The following SMYD4 variants were observed in gnomAD, a reference collection of about 807,000 sequenced individuals.
SMYD4 encodes the protein protein-lysine N-methyltransferase SMYD4.
In SMYD4, 68 loss-of-function variants were observed where a neutral mutation model predicts 72.8. That is an observed-to-expected ratio of 0.93 (90% confidence interval 0.77 to 1.14). The LOEUF (loss-of-function observed/expected upper bound fraction) is 1.14, where lower values mean the gene tolerates loss of function less well. SMYD4 is among the 50% of genes most tolerant of loss of function. The probability of loss-of-function intolerance (pLI) is 0.00; values close to 1 mark genes in which losing one functional copy is unlikely to be tolerated. For synonymous variants in SMYD4, 407 were observed against 388.6 expected (o/e 1.05, Z -0.56); for missense variants, 984 against 1,003.7 (o/e 0.98, Z 0.27).
At position 1,787,429 on chromosome 17, in the gene SMYD4, GTGGA is replaced by G. The variant is rs1438711789; in HGVS notation, c.1709_1712del (p.Leu570ProfsTer19). ...TGCGGAGGGATGGCTCACCATAGCAGTGGAGAATCTCTTGCCCCTTTCTAATCCG... is the reference window on the plus strand; with the variant it reads ...TGCGGAGGGATGGCTCACCATAGCAGGAATCTCTTGCCCCTTTCTAATCCG... On this transcript the variant is annotated frameshift_variant, in exon 6 of 11. Transcript: ENST00000305513. LOFTEE classifies it high-confidence loss of function. 2.6e-6 allele frequency: 4 copies of G among 1,556,318 alleles called. No homozygotes were observed. Among genetic ancestry groups the G allele is most frequent in the Non-Finnish European group, 3.5e-6 (4 of 1,150,190 alleles).
At chr17:1,821,801 C>T (rs529016673) in intron 2 of SMYD4, among the ~76,000 whole-genome samples, 1 of 151,096 alleles carries the variant, frequency 6.6e-6, no homozygotes, top group East Asian at 2.0e-4. Context: ...TGTGATGGCA[C>T]ACACCTGTAA....
chr17:1,800,509 A>G lies in SMYD4; in HGVS notation c.885T>C (p.Tyr295=), dbSNP rs377067565. The G allele has an allele frequency of 2.5e-6, 4 of 1,614,068 alleles. No homozygotes were observed. In the African/African-American group the frequency reaches 4.0e-5, roughly 16 times the overall value. The change falls in exon 5 of 11, where the codon TAT becomes TAC. Residue 295 remains tyrosine, a synonymous_variant. Transcript: ENST00000305513. ...WDTRVTNGDL[Y]CHRCLKHTLA... Reference sequence around the variant, plus strand: ...AAGTGTGCTTCAAACATCGGTGACAATAGAGGTCCCCATTGGTGACTCTGG... The same window carrying G: ...AAGTGTGCTTCAAACATCGGTGACAGTAGAGGTCCCCATTGGTGACTCTGG...
chr17:1,791,842 GC>G (rs1909046313), intron 5 of SMYD4, among the ~76,000 whole-genome samples: 1 of 151,934 alleles, frequency 6.6e-6, no homozygotes, highest in Admixed American at 6.6e-5. Context: ...AGCTACGATC[GC>G]CCCACTGCAC....
chr17:1,817,871 C>T (rs1036577547), intron 2 of SMYD4, among the ~76,000 whole-genome samples: 8 of 151,794 alleles, frequency 5.3e-5, no homozygotes, highest in Non-Finnish European at 1.2e-4. Flanking sequence ...CATGGTGAAA[C>T]CCCGTCTCTA....
intron 2 of SMYD4, among the ~76,000 whole-genome samples, chr17:1,817,064 T>TA (rs1351508641): frequency 5.3e-5 from 7 of 132,024 alleles, no homozygotes. Context: ...TTTTTTTTTT[T>TA]AAGACAGTCT....
rs1909621666 is a variant in SMYD4 at position 1,799,967 on chromosome 17, G to C, written c.1427C>G (p.Ala476Gly). ...GTCAGGACACAATTCAGGTGTCACTGCTGCTTTAAGCTGAGAGGAGTTCAC... is the reference window on the plus strand; with the variant it reads ...GTCAGGACACAATTCAGGTGTCACTCCTGCTTTAAGCTGAGAGGAGTTCAC... ...RIVNSSQLKA[A>G]VTPELCPDVT... Residue 476 changes from alanine to glycine, a missense_variant, in exon 5 of 11, where the codon GCA becomes GGA. By Grantham distance (60) the Ala-to-Gly change is moderately conservative. Coordinates refer to ENST00000305513, the MANE Select transcript of SMYD4 (RefSeq NM_052928.3). 6.2e-7 allele frequency: 1 copy of C among 1,614,112 alleles called. No individual in the cohort carries two copies. Among genetic ancestry groups the C allele is most frequent in the Non-Finnish European group, 8.5e-7 (1 of 1,180,020 alleles).
rs535860620 is a variant in SMYD4, at chr17:1,792,278, A to G, written c.1538-4674T>C. 9.9e-5 allele frequency among the ~76,000 whole-genome samples: 15 copies of G among 151,732 alleles called. No individual in the cohort carries two copies. In the South Asian group the frequency reaches 3.1e-3, roughly 32 times the overall value. On this transcript the variant is annotated intron_variant, in intron 5 of 10. Coordinates refer to ENST00000305513, the MANE Select transcript of SMYD4 (RefSeq NM_052928.3). Reference sequence around the variant, plus strand: ...ATGGTCTCGATCTCCTGACCTCGTGATCCTCCCACCTCGGCCTCCTCAAGT... The same window carrying G: ...ATGGTCTCGATCTCCTGACCTCGTGGTCCTCCCACCTCGGCCTCCTCAAGT...
chr17:1,825,416 T>A lies in SMYD4; in HGVS notation c.134+2445A>T, dbSNP rs181961559. On this transcript the variant is annotated intron_variant, in intron 2 of 10. Coordinates refer to ENST00000305513, the MANE Select transcript of SMYD4 (RefSeq NM_052928.3). ...GTAAAAAAATGTTAGCAGAAAACAA[T>A]GAACATTTTTATCAACTCCCAAGTA... Among the ~76,000 whole-genome samples the A allele has an allele frequency of 1.9e-3, 288 of 151,750 alleles. 2 individuals carry two copies. Among genetic ancestry groups the A allele is most frequent in the African/African-American group, 6.5e-3 (270 of 41,420 alleles).
chr17:1,787,421 C>T lies in SMYD4; in HGVS notation c.1720+1G>A. 6.4e-7 allele frequency: 1 copy of T among 1,554,648 alleles called. No homozygotes were observed. The highest frequency in any genetic ancestry group is 2.0e-5 in the Admixed American group (1 of 51,278). ...GATGGCAGTGCGGAGGGATGGCTCA[C>T]CATAGCAGTGGAGAATCTCTTGCCC... is the stretch of plus-strand genomic sequence containing the variant. On this transcript the variant is annotated splice_donor_variant, in intron 6 of 10. Transcript: ENST00000305513. LOFTEE classifies it high-confidence loss of function.
At chr17:1,820,834 T>C (rs1174326248) in intron 2 of SMYD4, among the ~76,000 whole-genome samples, 2 of 152,152 alleles carry the variant, frequency 1.3e-5, no homozygotes, top group Admixed American at 1.3e-4. Flanking sequence ...GAAAGAAAAG[T>C]GTGTGCTTGG....
chr17:1,823,748 T>C (rs973138090), intron 2 of SMYD4, among the ~76,000 whole-genome samples: 4 of 152,146 alleles, frequency 2.6e-5, no homozygotes, highest in Non-Finnish European at 2.9e-5. Flanking sequence ...CAAAATTCAG[T>C]TGACCTGAGC....
At position 1,818,426 on chromosome 17, in the gene SMYD4, C is replaced by T. The variant is rs147374452; in HGVS notation, c.135-6311G>A. 1.5e-3 allele frequency among the ~76,000 whole-genome samples: 223 copies of T among 152,222 alleles called. 1 individual carries two copies. The highest frequency in any genetic ancestry group is 5.2e-3 in the African/African-American group (215 of 41,538). Reference sequence around the variant, plus strand: ...TCATGGATGTTCACCTCTAAATATTCGCAGGCCTCTGCTTTAAAAATAAGG... The same window carrying T: ...TCATGGATGTTCACCTCTAAATATTTGCAGGCCTCTGCTTTAAAAATAAGG... On this transcript the variant is annotated intron_variant, in intron 2 of 10. Coordinates refer to ENST00000305513, the MANE Select transcript of SMYD4 (RefSeq NM_052928.3).
intron 3 of SMYD4, 93 bp downstream of exon 3, chr17:1,811,878 G>C: frequency 7.1e-7 from 1 of 1,413,482 alleles, no homozygotes; most frequent in Non-Finnish European, 9.7e-7. Context: ...AGTGAGCTGA[G>C]ATTATACCAC....
intron 3 of SMYD4, among the ~76,000 whole-genome samples, chr17:1,805,062 T>C (rs1909965212): frequency 1.3e-5 from 2 of 152,054 alleles, no homozygotes; most frequent in Middle Eastern, 3.4e-3. Flanking sequence ...ACACAAATAG[T>C]TATAGAAAAC....
At chr17:1,794,656 TCA>T (rs764680864) in intron 5 of SMYD4, among the ~76,000 whole-genome samples, 5 of 152,076 alleles carry the variant, frequency 3.3e-5, no homozygotes, top group African/African-American at 4.8e-5. Context: ...GGGGCTGTCA[TCA>T]GTTTCCAGTT....
At chr17:1,820,723 G>GCTCT (rs1218838003) in intron 2 of SMYD4, among the ~76,000 whole-genome samples, 8 of 152,166 alleles carry the variant, frequency 5.3e-5, no homozygotes, top group African/African-American at 7.2e-5. Flanking sequence ...GGAGTGGAGA[G>GCTCT]GTAGGGGTGG....
At chr17:1,799,432 G>C (rs1349445717) in intron 5 of SMYD4, among the ~76,000 whole-genome samples, 1 of 150,694 alleles carries the variant, frequency 6.6e-6, no homozygotes, top group East Asian at 2.0e-4. Context: ...GCAGTGGCAC[G>C]ATCTCGGCTC....
Position 1,804,619 on chromosome 17 carries a change from T to C in SMYD4, c.369+7A>G. ...TGTCCTCTCATACCAGGTATCCTGA[T>C]ACTCACCTCATACTGACCCAGGTGG... is the stretch of plus-strand genomic sequence containing the variant. On this transcript the variant is annotated splice_region_variant and intron_variant, in intron 4 of 10. Transcript: ENST00000305513. 1 of 1,613,118 alleles carries C rather than the reference T, an allele frequency of 6.2e-7. No homozygotes were observed. The highest frequency in any genetic ancestry group is 1.7e-5 in the Admixed American group (1 of 59,966).
chr17:1,819,345 A>G (rs1423157913), intron 2 of SMYD4, among the ~76,000 whole-genome samples: 1 of 152,172 alleles, frequency 6.6e-6, no homozygotes, highest in Non-Finnish European at 1.5e-5. Flanking sequence ...AGACAGAGAG[A>G]GACTACGTCT....
Sources: allele counts gnomAD v4.1 joint callset (sites outside exome capture counted in the v4.1 genomes callset), GRCh38; gene constraint gnomAD v4.1.1; transcripts MANE v1.5; gene names NCBI Gene and HGNC (gene_info 2026-07-23, HGNC 2026-07-21).